Variants in TNRC6A observed in about 807,000 individuals in gnomAD.
TNRC6A encodes the protein trinucleotide repeat-containing gene 6A protein.
TNRC6A carries 44 observed loss-of-function variants against 221.2 expected under a neutral mutation model. The observed-to-expected ratio is 0.20, with a 90% CI of 0.16 to 0.26. TNRC6A has a LOEUF of 0.26. Among genes scored for constraint, TNRC6A ranks in the 10% least tolerant of loss-of-function variants. TNRC6A has a pLI of 1.00. For missense variants in TNRC6A, 2,199 were observed against 2,404.4 expected (o/e 0.91, Z 1.79); for synonymous variants, 847 against 838.5 (o/e 1.01, Z -0.18).
intron 20 of TNRC6A, among the ~76,000 whole-genome samples, chr16:24,817,885 G>A (rs978578095): frequency 1.8e-4 from 27 of 152,178 alleles, no homozygotes; most frequent in African/African-American, 6.5e-4. Context: ...GGAGTTAGTG[G>A]AAGAATCCGA....
At chr16:24,684,969 G>T (rs1019047699) in intron 2 of TNRC6A, among the ~76,000 whole-genome samples, 2 of 152,084 alleles carry the variant, frequency 1.3e-5, no homozygotes, top group Non-Finnish European at 2.9e-5. Flanking sequence ...AGCTACCCTG[G>T]TCCCTACGGA....
At chr16:24,693,288 CAA>C in intron 2 of TNRC6A, among the ~76,000 whole-genome samples, 1 of 132,592 alleles carries the variant, frequency 7.5e-6, no homozygotes, top group Admixed American at 7.7e-5. Flanking sequence ...CCAGTCTCTA[CAA>C]AAAAAAAAAA....
chr16:24,712,069 G>A (rs545948470), intron 2 of TNRC6A, among the ~76,000 whole-genome samples: 21 of 152,284 alleles, frequency 1.4e-4, no homozygotes, highest in African/African-American at 4.3e-4. Flanking sequence ...ATGGTCCTGC[G>A]AAAACTAAAT....
At chr16:24,728,093 G>A (rs868759969), upstream of TNRC6A, among the ~76,000 whole-genome samples, 1 of 152,324 alleles carries the variant, frequency 6.6e-6, no homozygotes, top group Middle Eastern at 3.4e-3. Context: ...GGAGAGGACA[G>A]GAACCCAACA....
At chr16:24,622,767 A>T (rs1283864747) in intron 1 of TNRC6A, among the ~76,000 whole-genome samples, 1 of 152,222 alleles carries the variant, frequency 6.6e-6, no homozygotes, top group African/African-American at 2.4e-5. Context: ...GTTGTATGTG[A>T]CATAGCACAA....
intron 2 of TNRC6A, among the ~76,000 whole-genome samples, chr16:24,735,644 G>A (rs893097960): frequency 1.3e-5 from 2 of 152,114 alleles, no homozygotes; most frequent in Non-Finnish European, 2.9e-5. Flanking sequence ...TGGAAAATTT[G>A]AATATAAACA....
At chr16:24,767,489 A>G (rs528760213) in intron 4 of TNRC6A, among the ~76,000 whole-genome samples, 1 of 152,356 alleles carries the variant, frequency 6.6e-6, no homozygotes, top group South Asian at 2.1e-4. Context: ...GAATATACAC[A>G]TTTGAAAAAA....
intron 4 of TNRC6A, among the ~76,000 whole-genome samples, chr16:24,760,494 A>G (rs952311921): frequency 6.6e-6 from 1 of 152,228 alleles, no homozygotes; most frequent in Non-Finnish European, 1.5e-5. Flanking sequence ...AGGTCACTTC[A>G]GAATACATTT....
intron 2 of TNRC6A, among the ~76,000 whole-genome samples, chr16:24,739,757 G>T (rs2056852927): frequency 6.6e-6 from 1 of 152,108 alleles, no homozygotes; most frequent in East Asian, 1.9e-4. Flanking sequence ...AGGATTACAG[G>T]CATGAGCCAC....
chr16:24,732,316 A>G (rs1358383788), intron 2 of TNRC6A, among the ~76,000 whole-genome samples: 1 of 152,206 alleles, frequency 6.6e-6, no homozygotes, highest in Admixed American at 6.5e-5. Context: ...AAATCAAGGC[A>G]TTGTATTCAT....
Position 24,789,438 on chromosome 16 carries a change from A to G in TNRC6A, c.796A>G (p.Arg266Gly). ...TTCTGCCTCCAGTTCTGAATCAGAGAGAAACATCACTATCATGGCTTCAGG... is the reference window on the plus strand; with the variant it reads ...TTCTGCCTCCAGTTCTGAATCAGAGGGAAACATCACTATCATGGCTTCAGG... The part of the protein sequence containing the change: ...ADSASSSESE[R>G]NITIMASGNT... Residue 266 changes from arginine (R) to glycine (G), a missense_variant, in exon 6 of 25, where the codon AGA (arginine) becomes GGA (glycine). Arg to Gly is a moderately radical substitution (Grantham distance 125). Around this residue, in one of 8 missense-constraint regions of TNRC6A, gnomAD observed 1,405 missense variants for 1,400.2 expected, o/e 1.00. Coordinates refer to ENST00000395799, the MANE Select transcript of TNRC6A (RefSeq NM_014494.4). 1 of 1,614,222 alleles carries G rather than the reference A, an allele frequency of 6.2e-7. No individual in the cohort carries two copies. The highest frequency in any genetic ancestry group is 8.5e-7 in the Non-Finnish European group (1 of 1,180,038).
chr16:24,711,412 A>G (rs559105778), intron 2 of TNRC6A, among the ~76,000 whole-genome samples: 10 of 152,182 alleles, frequency 6.6e-5, no homozygotes, highest in South Asian at 2.1e-4. Flanking sequence ...GATCGTCACA[A>G]TAAAGAAAAC....
rs902037651 is a variant in TNRC6A, at chr16:24,616,641, A to G, written n.276+6157A>G. Among the ~76,000 whole-genome samples the G allele has an allele frequency of 2.0e-5, 3 of 152,116 alleles. No homozygotes were observed. In the South Asian group the frequency reaches 6.2e-4, roughly 32 times the overall value. On this transcript the variant is annotated intron_variant and non_coding_transcript_variant, in intron 1 of 2. Coordinates refer to the TNRC6A transcript ENST00000566108. ...AAGCTTCCATATGCACTTGAAAATA[A>G]TGTGTATGGCCAGATGCGGTGGTTC...
At chr16:24,692,835 G>T (rs1317003751) in intron 2 of TNRC6A, among the ~76,000 whole-genome samples, 2 of 152,008 alleles carry the variant, frequency 1.3e-5, no homozygotes, top group Non-Finnish European at 2.9e-5. Flanking sequence ...CTCACCAGGA[G>T]CTGTTCTTAG....
intron 2 of TNRC6A, among the ~76,000 whole-genome samples, chr16:24,743,951 A>G (rs1007218609): frequency 1.3e-5 from 2 of 152,216 alleles, no homozygotes; most frequent in Non-Finnish European, 2.9e-5. Context: ...GCCAAACGAA[A>G]TCTATTTTTT....
In TNRC6A at chr16:24,649,722, C is replaced by G. The variant is rs181087525; in HGVS notation, n.402+8713C>G. ...ACTCACCATGTTGTACAATACATCT[C>G]TTGAACTTATTCCTCCAGTCTAACT... On this transcript the variant is annotated intron_variant and non_coding_transcript_variant, in intron 2 of 2. Transcript: ENST00000566108. Among the ~76,000 whole-genome samples the G allele has an allele frequency of 3.8e-3, 574 of 151,706 alleles. 3 individuals carry two copies. Among genetic ancestry groups the G allele is most frequent in the African/African-American group, 0.013 (551 of 41,392 alleles).
Position 24,793,605 on chromosome 16 carries a change from C to T in TNRC6A, c.3308C>T (p.Thr1103Met), listed in dbSNP as rs1225110351. 4 of 1,553,980 alleles carry T rather than the reference C, an allele frequency of 2.6e-6. No individual in the cohort carries two copies. The South Asian group carries it at 3.8e-5, about 15-fold the overall frequency. ...ATTGCTGCGGCATCCAGCACATCCA[C>T]GTGGGGCTCCAGCTCTGTTGGTCCA... Reference protein sequence around the residue: ...EPIAAASSTSTWGSSSVGPQA... With the variant: ...EPIAAASSTSMWGSSSVGPQA... The change falls in exon 7 of 25, where the codon ACG becomes ATG. Residue 1103 changes from threonine to methionine, a missense_variant. Thr to Met is a moderately conservative substitution (Grantham distance 81). Around this residue, in one of 8 missense-constraint regions of TNRC6A, gnomAD observed 1,405 missense variants for 1,400.2 expected, o/e 1.00. Transcript: ENST00000395799.
At chr16:24,629,076 C>T (rs1022163382) in intron 1 of TNRC6A, among the ~76,000 whole-genome samples, 1 of 151,898 alleles carries the variant, frequency 6.6e-6, no homozygotes, top group South Asian at 2.1e-4. Context: ...AGGCCTTTAA[C>T]GTAACTCATG....
At chr16:24,695,780 A>T (rs1457758078) in intron 2 of TNRC6A, among the ~76,000 whole-genome samples, 1 of 152,124 alleles carries the variant, frequency 6.6e-6, no homozygotes, top group Non-Finnish European at 1.5e-5. Flanking sequence ...GTTTCAAGCA[A>T]AACACGGGAT....
Sources: gnomAD v4.1 joint callset for allele counts (sites outside exome capture counted in the v4.1 genomes callset) on GRCh38, gnomAD v4.1.1 for gene constraint, gnomAD v4.1.1 regional missense constraint, MANE v1.5 for transcripts, NCBI Gene and HGNC (gene_info 2026-07-23, HGNC 2026-07-21) for gene names.